Variants in ADGRG1 observed in about 807,000 individuals in gnomAD.
ADGRG1 encodes the protein adhesion G protein-coupled receptor G1, also known as 7-transmembrane protein with no EGF-like N-terminal domains-1.
ADGRG1 carries 53 observed loss-of-function variants against 73.5 expected under a neutral mutation model. The observed-to-expected ratio is 0.72, with a 90% CI of 0.58 to 0.91. The LOEUF is 0.91. ADGRG1 is among the 40% of genes least tolerant of loss of function. The pLI is 0.00. For synonymous variants in ADGRG1, 394 were observed against 374.4 expected, an observed-to-expected ratio of 1.05 and a Z score of -0.60; for missense variants, 795 against 871.8, an observed-to-expected ratio of 0.91 and a Z score of 1.11.
chr16:57,630,450 C>T (rs959370542), intron 1 of ADGRG1: 8 of 985,682 alleles, frequency 8.1e-6, no homozygotes, highest in South Asian at 4.7e-5. Context: ...CCTCTCCTCT[C>T]GCCTCAGGAG....
chr16:57,621,144 C>T (rs2034722065), intron 1 of ADGRG1: 1 of 152,146 alleles, frequency 6.6e-6, no homozygotes, highest in Admixed American at 6.5e-5. Context: ...CCCCACATTC[C>T]CTCTGTTAAT....
chr16:57,622,728 G>T, upstream of ADGRG1: 2 of 972,968 alleles, frequency 2.1e-6, no homozygotes, highest in Non-Finnish European at 2.4e-6. Flanking sequence ...GCTCTTGGGA[G>T]GCTAGGCAAA....
chr16:57,655,875 G>A lies in ADGRG1; in HGVS notation c.901-1G>A, dbSNP rs1329533857. 1.2e-6 allele frequency: 2 copies of A among 1,614,162 alleles called. No individual in the cohort carries two copies. The highest frequency in any genetic ancestry group is 1.7e-6 in the Non-Finnish European group (2 of 1,180,018). Reference sequence around the variant, plus strand: ...CTCTTCCTCCAACCCCATGTATCTAGGACAAGAATTCCAGCCAAGTCCTGG... The same window carrying A: ...CTCTTCCTCCAACCCCATGTATCTAAGACAAGAATTCCAGCCAAGTCCTGG... On this transcript the variant is annotated splice_acceptor_variant, in intron 6 of 13. Coordinates refer to ENST00000562631, the MANE Select transcript of ADGRG1 (RefSeq NM_201525.4). LOFTEE classifies it high-confidence loss of function.
At chr16:57,628,423 C>T (rs1049854297), upstream of ADGRG1, 10 of 670,898 alleles carry the variant, frequency 1.5e-5, no homozygotes, top group South Asian at 6.6e-4. Context: ...GCTGAGGTGC[C>T]CCCTTGCCCG....
intron 1 of ADGRG1, chr16:57,639,356 C>G: frequency 1.0e-6 from 1 of 985,506 alleles, no homozygotes; most frequent in African/African-American, 1.7e-5. Context: ...CGGGGTGTGA[C>G]GTAGTCCCTG....
intron 1 of ADGRG1, chr16:57,637,559 C>G: frequency 1.0e-6 from 1 of 985,434 alleles, no homozygotes; most frequent in Non-Finnish European, 1.2e-6. Flanking sequence ...GGCCAGCAAG[C>G]CTTGTGAGCC....
chr16:57,660,090 T>C (rs770344297), intron 11 of ADGRG1: 52 of 201,180 alleles, frequency 2.6e-4, no homozygotes, highest in Non-Finnish European at 3.9e-4. Context: ...ACAGATTCCC[T>C]GTGGCTTGGC....
chr16:57,629,080 G>A (rs1431968713), intron 1 of ADGRG1: 29 of 663,126 alleles, frequency 4.4e-5, no homozygotes, highest in African/African-American at 4.1e-4. Flanking sequence ...GTGAGTGTGG[G>A]AGTGTATGTG....
chr16:57,636,001 G>A (rs573838449), intron 1 of ADGRG1: 10 of 985,280 alleles, frequency 1.0e-5, no homozygotes, highest in East Asian at 1.1e-4. Context: ...ACTAGTCCTC[G>A]GGACACACCC....
chr16:57,656,289 T>G lies in ADGRG1; in HGVS notation c.1063+18T>G, dbSNP rs377538241. 3.2e-6 allele frequency: 5 copies of G among 1,544,868 alleles called. No homozygotes were observed. The African/African-American group carries it at 6.9e-5, about 21-fold the overall frequency. On this transcript the variant is annotated intron_variant, in intron 8 of 13. Coordinates refer to ENST00000562631, the MANE Select transcript of ADGRG1 (RefSeq NM_201525.4). ...CCCCACATGTGAGTATGCAGGGGTC[T>G]CTGGGCTGGACAAGTATCTGGAAGA...
chr16:57,662,484 C>T (rs550666433), intron 13 of ADGRG1, among the ~76,000 whole-genome samples: 9 of 152,270 alleles, frequency 5.9e-5, no homozygotes, highest in South Asian at 2.1e-4. Context: ...TTTTTGGAAA[C>T]GCAGCCTCTG....
At chr16:57,637,354 T>A in intron 1 of ADGRG1, 2 of 985,202 alleles carry the variant, frequency 2.0e-6, no homozygotes, top group Non-Finnish European at 2.4e-6. Flanking sequence ...ATGAGTGGGA[T>A]GTTTAGGGAC....
At chr16:57,637,241 C>A (rs547219626) in intron 1 of ADGRG1, 1 of 868,320 alleles carries the variant, frequency 1.2e-6, no homozygotes, top group Non-Finnish European at 1.4e-6. Context: ...TTTCAGTCCC[C>A]GCCCCGACCC....
At chr16:57,655,209 C>T (rs1480119954) in intron 5 of ADGRG1, 190 bp from the exon 6 acceptor site, 20 of 985,260 alleles carry the variant, frequency 2.0e-5, no homozygotes, top group Non-Finnish European at 2.4e-5. Context: ...CACAAGACTC[C>T]CCAGCCAGAG....
chr16:57,659,787 C>CA, intron 11 of ADGRG1, 106 bp downstream of exon 11: 1 of 1,219,086 alleles, frequency 8.2e-7, no homozygotes, highest in Non-Finnish European at 1.2e-6. Flanking sequence ...GACTTCCCTC[C>CA]TGGCCTCCTT....
chr16:57,623,877 T>A (rs563702524), upstream of ADGRG1: 1 of 951,624 alleles, frequency 1.1e-6, no homozygotes, highest in African/African-American at 1.8e-5. Flanking sequence ...GCAAAACACA[T>A]GGTCTGAGAT....
intron 1 of ADGRG1, chr16:57,629,037 TGTGA>T (rs753983334): frequency 0.13 from 62,925 of 474,198 alleles, 5,570 homozygotes; most frequent in African/African-American, 0.2. Context: ...AGTGTGAGAG[TGTGA>T]GTGAGTGTGT....
chr16:57,651,182 C>T lies in ADGRG1; in HGVS notation c.65-18C>T. 1.2e-6 allele frequency: 2 copies of T among 1,613,798 alleles called. No individual in the cohort carries two copies. The highest frequency in any genetic ancestry group is 1.1e-5 in the South Asian group (1 of 91,086). ...AGCCCCTGCCACGGGGTCCCATCTG[C>T]AGCCTCTGCCTCCTCAGGTGCCCAC... is the stretch of plus-strand genomic sequence containing the variant. On this transcript the variant is annotated intron_variant, in intron 2 of 13. Transcript: ENST00000562631.
chr16:57,649,409 G>C (rs368436020), intron 1 of ADGRG1, among the ~76,000 whole-genome samples: 22 of 152,288 alleles, frequency 1.4e-4, no homozygotes, highest in Admixed American at 9.2e-4. Context: ...GAGGCTACTG[G>C]GGGTGGGGAG....
Sources: gnomAD v4.1 joint callset for allele counts (sites outside exome capture counted in the v4.1 genomes callset) on GRCh38, gnomAD v4.1.1 for gene constraint, MANE v1.5 for transcripts, NCBI Gene and HGNC (gene_info 2026-07-23, HGNC 2026-07-21) for gene names.